STRN: variants seen among roughly 807,000 people sequenced by gnomAD.
The protein encoded by STRN is protein phosphatase 2 regulatory subunit B'''alpha.
Under a neutral mutation model 96.3 loss-of-function variants are expected in STRN, and 53 were observed. That is an observed-to-expected ratio of 0.55 (90% CI 0.44 to 0.69). STRN has a LOEUF of 0.69. STRN is among the 30% of genes least tolerant of loss of function. STRN has a pLI of 0.00. For missense variants in STRN, 987 were observed against 963.9 expected, an observed-to-expected ratio of 1.02 and a Z score of -0.32; for synonymous variants, 428 against 355.9, an observed-to-expected ratio of 1.20 and a Z score of -2.28.
intron 1 of STRN, among the ~76,000 whole-genome samples, chr2:36,960,327 G>A (rs757938062): frequency 6.6e-6 from 1 of 152,148 alleles, no homozygotes; most frequent in Non-Finnish European, 1.5e-5. Flanking sequence ...AATGTTCTGA[G>A]GCTGACACTG....
chr2:36,917,284 G>A (rs1326601409), intron 2 of STRN, among the ~76,000 whole-genome samples: 1 of 151,512 alleles, frequency 6.6e-6, no homozygotes, highest in Non-Finnish European at 1.5e-5. Context: ...CACTTTGGGA[G>A]GCCAAGGTAG....
chr2:36,880,061 G>T (rs1206034990), intron 9 of STRN, among the ~76,000 whole-genome samples: 1 of 152,128 alleles, frequency 6.6e-6, no homozygotes, highest in Non-Finnish European at 1.5e-5. Context: ...ACACCTCCCA[G>T]GTTCAAGCAA....
In STRN at chr2:36,839,475, C is replaced by T. The variant is rs1039827208; in HGVS notation, c.*9981G>A. 6.6e-6 allele frequency among the ~76,000 whole-genome samples: 1 copy of T among 152,096 alleles called. No homozygotes were observed. Among genetic ancestry groups the T allele is most frequent in the Non-Finnish European group, 1.5e-5 (1 of 68,024 alleles). ...TTCTAGAAGCTATCAGGAGTGTGAC[C>T]GAACTACATGACCAGAAGTCTGTAT... On this transcript the variant is annotated 3_prime_UTR_variant, in exon 18 of 18. Transcript: ENST00000263918.
intron 3 of STRN, among the ~76,000 whole-genome samples, chr2:36,911,921 A>G (rs1669973997): frequency 6.6e-6 from 1 of 152,072 alleles, no homozygotes; most frequent in South Asian, 2.1e-4. Flanking sequence ...CCTGTTTACC[A>G]TTAGCATTTT....
chr2:36,884,482 T>C (rs1389597504), intron 8 of STRN, among the ~76,000 whole-genome samples: 1 of 152,204 alleles, frequency 6.6e-6, no homozygotes, highest in Admixed American at 6.5e-5. Flanking sequence ...GAAGCTATGG[T>C]ACCCGAGGTG....
intron 2 of STRN, among the ~76,000 whole-genome samples, chr2:36,920,885 G>A (rs1670235868): frequency 6.6e-6 from 1 of 151,722 alleles, no homozygotes. Context: ...GACCATCCTG[G>A]CCAAGATGGT....
chr2:36,907,346 G>T (rs372914132), intron 3 of STRN, among the ~76,000 whole-genome samples: 2 of 152,166 alleles, frequency 1.3e-5, no homozygotes, highest in Non-Finnish European at 1.5e-5. Context: ...TCAGGAGACA[G>T]ACACCAGCCT....
Position 36,861,154 on chromosome 2 carries a change from G to A in STRN, c.1647C>T (p.Asn549=), listed in dbSNP as rs1339801759. 1.9e-6 allele frequency: 3 copies of A among 1,613,988 alleles called. No individual in the cohort carries two copies. Among genetic ancestry groups the A allele is most frequent in the Non-Finnish European group, 2.5e-6 (3 of 1,179,962 alleles). Residue 549 remains asparagine (N), a synonymous_variant, in exon 13 of 18, where the codon AAC becomes AAT. Coordinates refer to ENST00000263918, the MANE Select transcript of STRN (RefSeq NM_003162.4). ...TACCATAAGAATCATAGGGGTCGAT[G>A]TTGGGATTAGTGGTATTCCAGCCCT... ...LIQGWNTTNP[N]IDPYDSYDPS...
intron 13 of STRN, 44 bp from the exon 14 acceptor site, chr2:36,858,067 A>T: frequency 6.7e-7 from 1 of 1,495,538 alleles, no homozygotes; most frequent in Non-Finnish European, 9.0e-7. Flanking sequence ...AAAAACAACC[A>T]CAAAGGTACT....
intron 9 of STRN, among the ~76,000 whole-genome samples, chr2:36,880,264 G>A (rs937655850): frequency 5.3e-5 from 8 of 152,076 alleles, no homozygotes; most frequent in African/African-American, 1.4e-4. Flanking sequence ...CATCATGCCC[G>A]GCCTCTACAA....
rs2148107787 is a variant in STRN, at chr2:36,839,355, C to G, written c.*10101G>C. 6.6e-6 allele frequency among the ~76,000 whole-genome samples: 1 copy of G among 152,272 alleles called. No individual in the cohort carries two copies. The highest frequency in any genetic ancestry group is 2.1e-4 in the South Asian group (1 of 4,818). ...TACTGCTGACTGCCAGCAACTAGAA[C>G]TGTGTGGCATATAGCTGGCACTCAA... On this transcript the variant is annotated 3_prime_UTR_variant, in exon 18 of 18. Coordinates refer to ENST00000263918, the MANE Select transcript of STRN (RefSeq NM_003162.4).
intron 1 of STRN, among the ~76,000 whole-genome samples, chr2:36,933,904 G>C (rs1670637283): frequency 6.6e-6 from 1 of 152,182 alleles, no homozygotes; most frequent in Admixed American, 6.5e-5. Flanking sequence ...GAGGTCAGGA[G>C]TTTGATACCA....
intron 1 of STRN, among the ~76,000 whole-genome samples, chr2:36,937,342 C>CAAA (rs59891421): frequency 9.3e-6 from 1 of 107,656 alleles, no homozygotes. Flanking sequence ...GAGACTGTCT[C>CAAA]AAAAAAAAAA....
intron 10 of STRN, among the ~76,000 whole-genome samples, chr2:36,876,387 G>C (rs1240763846): frequency 1.3e-5 from 2 of 152,096 alleles, no homozygotes; most frequent in African/African-American, 4.8e-5. Flanking sequence ...GAAAAAAATG[G>C]ACCAGGATAG....
intron 12 of STRN, among the ~76,000 whole-genome samples, chr2:36,867,080 G>C (rs920888197): frequency 2.0e-5 from 3 of 152,138 alleles, no homozygotes; most frequent in Admixed American, 2.0e-4. Context: ...TTGTTAGCTG[G>C]TTATTACACA....
At chr2:36,870,942 G>A (rs1445235465) in intron 10 of STRN, among the ~76,000 whole-genome samples, 4 of 151,896 alleles carry the variant, frequency 2.6e-5, no homozygotes, top group African/African-American at 4.8e-5. Context: ...GTTAATATGC[G>A]TATGTGTATT....
At chr2:36,902,997 A>G (rs1393688797) in intron 4 of STRN, 3 of 252,012 alleles carry the variant, frequency 1.2e-5, no homozygotes, top group Non-Finnish European at 2.2e-5. Context: ...TACATTTACC[A>G]TAAGAAGAAG....
intron 1 of STRN, among the ~76,000 whole-genome samples, chr2:36,937,497 C>A (rs1670734809): frequency 6.6e-6 from 1 of 151,746 alleles, no homozygotes; most frequent in Admixed American, 6.6e-5. Context: ...ACTGAGAATC[C>A]ATGTCTACAA....
At chr2:36,864,306 C>G (rs1039997082) in intron 12 of STRN, among the ~76,000 whole-genome samples, 5 of 152,054 alleles carry the variant, frequency 3.3e-5, no homozygotes, top group African/African-American at 1.2e-4. Context: ...ATAGATGGCT[C>G]TTAATATTTT....
Sources: allele counts gnomAD v4.1 joint callset (sites outside exome capture counted in the v4.1 genomes callset), GRCh38; gene constraint gnomAD v4.1.1; transcripts MANE v1.5; gene names NCBI Gene and HGNC (gene_info 2026-07-23, HGNC 2026-07-21).